Variants in OTOGL observed in about 807,000 individuals in gnomAD.
OTOGL encodes the protein otogelin like.
A neutral mutation model predicts 318.5 loss-of-function variants in OTOGL; 285 were observed. That is an observed-to-expected ratio of 0.89 (90% confidence interval 0.81 to 0.99). The LOEUF is 0.99. OTOGL is among the 50% of genes least tolerant of loss of function. The pLI is 0.00. For synonymous variants in OTOGL, 987 were observed against 936.5 expected (o/e 1.05, Z -0.99); for missense variants, 2,899 against 2,845.6 (o/e 1.02, Z -0.43).
chr12:80,274,962 C>A (rs1018287282), intron 24 of OTOGL, among the ~76,000 whole-genome samples: 6 of 151,964 alleles, frequency 3.9e-5, no homozygotes, highest in Admixed American at 3.3e-4. Context: ...AATATTACTA[C>A]CTATTGGCAG....
intron 24 of OTOGL, among the ~76,000 whole-genome samples, chr12:80,276,375 C>A (rs928241146): frequency 1.3e-5 from 2 of 151,644 alleles, no homozygotes; most frequent in Non-Finnish European, 2.9e-5. Context: ...TAGAATAGTG[C>A]CTTGCCATAG....
intron 11 of OTOGL, among the ~76,000 whole-genome samples, chr12:80,250,359 T>G (rs1881427307): frequency 6.6e-6 from 1 of 152,216 alleles, no homozygotes; most frequent in African/African-American, 2.4e-5. Flanking sequence ...TTAATGTGCC[T>G]GTCATGGTTC....
chr12:80,315,965 A>G (rs949817341), intron 32 of OTOGL, among the ~76,000 whole-genome samples: 2 of 152,158 alleles, frequency 1.3e-5, no homozygotes, highest in African/African-American at 2.4e-5. Flanking sequence ...TAATAACAAC[A>G]GTAGCTTTTG....
At position 80,251,172 on chromosome 12, in the gene OTOGL, G is replaced by A. The variant is rs188983031; in HGVS notation, c.1053-521G>A. Among the ~76,000 whole-genome samples, 417 of 152,306 alleles carry A rather than the reference G, an allele frequency of 2.7e-3. 5 individuals are homozygous for A. The highest frequency in any genetic ancestry group is 9.4e-3 in the African/African-American group (391 of 41,570). On this transcript the variant is annotated intron_variant, in intron 11 of 58. Coordinates refer to ENST00000547103, the MANE Select transcript of OTOGL (RefSeq NM_001378609.3). ...TTGGATTCTTATTGCAAGAACTGCT[G>A]AGGAACCATTAAAATACTTTTGATT...
intron 9 of OTOGL, among the ~76,000 whole-genome samples, chr12:80,237,697 GGT>G (rs1485381617): frequency 2.0e-5 from 3 of 152,156 alleles, no homozygotes; most frequent in Non-Finnish European, 4.4e-5. Context: ...GCTAGGCTAT[GGT>G]AAAGTTTAGG....
intron 1 of OTOGL, among the ~76,000 whole-genome samples, chr12:80,167,330 A>C (rs917985271): frequency 6.6e-6 from 1 of 152,154 alleles, no homozygotes; most frequent in Non-Finnish European, 1.5e-5. Context: ...ATAGGCTAAA[A>C]ATTTTGGTTT....
chr12:80,229,431 T>C, intron 8 of OTOGL, 53 bp downstream of exon 8: 1 of 1,537,666 alleles, frequency 6.5e-7, no homozygotes, highest in Non-Finnish European at 8.9e-7. Context: ...TAATAGAATT[T>C]CCAAACATCA....
At chr12:80,306,270 C>T (rs1337834774) in intron 29 of OTOGL, among the ~76,000 whole-genome samples, 1 of 152,124 alleles carries the variant, frequency 6.6e-6, no homozygotes, top group Non-Finnish European at 1.5e-5. Context: ...AGGGACATGT[C>T]TGAAGGATTT....
At chr12:80,193,795 G>A (rs1243331434) in intron 1 of OTOGL, among the ~76,000 whole-genome samples, 1 of 152,184 alleles carries the variant, frequency 6.6e-6, no homozygotes, top group Non-Finnish European at 1.5e-5. Flanking sequence ...GTTAAGGAAA[G>A]TCCTTTTGTT....
chr12:80,179,546 G>C (rs35536215), intron 1 of OTOGL, among the ~76,000 whole-genome samples: 12,679 of 152,232 alleles, frequency 0.083, 651 homozygotes, highest in East Asian at 0.19. Context: ...TTATGTCATG[G>C]CTTTAGTATG....
intron 46 of OTOGL, among the ~76,000 whole-genome samples, chr12:80,354,906 A>T (rs1592748205): frequency 6.6e-6 from 1 of 152,248 alleles, no homozygotes; most frequent in East Asian, 1.9e-4. Flanking sequence ...GTCACTACAT[A>T]ATATTTTGCC....
intron 57 of OTOGL, among the ~76,000 whole-genome samples, chr12:80,376,494 A>G (rs770867421): frequency 2.1e-4 from 32 of 152,166 alleles, no homozygotes; most frequent in Admixed American, 6.6e-4. Context: ...GTGATAATCC[A>G]TTACACACAC....
chr12:80,320,840 C>A, intron 34 of OTOGL, 140 bp downstream of exon 34: 1 of 745,650 alleles, frequency 1.3e-6, no homozygotes. Context: ...GTCTTAACCT[C>A]TATACCCCTC....
chr12:80,305,003 A>G (rs897678777), intron 28 of OTOGL, among the ~76,000 whole-genome samples: 4 of 152,218 alleles, frequency 2.6e-5, no homozygotes, highest in African/African-American at 9.6e-5. Context: ...CTGTTCAGAC[A>G]GAGGCCACTA....
At chr12:80,292,020 C>T (rs1368413257) in intron 26 of OTOGL, among the ~76,000 whole-genome samples, 1 of 151,230 alleles carries the variant, frequency 6.6e-6, no homozygotes, top group East Asian at 2.0e-4. Context: ...TGGAGTTTCA[C>T]TCTTATTGCC....
chr12:80,288,080 T>C (rs773684167), intron 26 of OTOGL, among the ~76,000 whole-genome samples: 3 of 152,200 alleles, frequency 2.0e-5, no homozygotes, highest in Non-Finnish European at 4.4e-5. Context: ...GGAGCTCATG[T>C]ATGACAGGCC....
intron 1 of OTOGL, among the ~76,000 whole-genome samples, chr12:80,190,857 G>T (rs930526602): frequency 6.7e-6 from 1 of 149,860 alleles, no homozygotes; most frequent in Non-Finnish European, 1.5e-5. Flanking sequence ...ATCCTTAGTG[G>T]TTTCTTTTTA....
intron 1 of OTOGL, chr12:80,103,290 C>T (rs948499535): frequency 1.1e-5 from 17 of 1,592,782 alleles, no homozygotes; most frequent in South Asian, 4.4e-5. Flanking sequence ...ATGCCTTTTG[C>T]GATTCTTGCT....
chr12:80,241,013 G>A (rs979818192), intron 11 of OTOGL, among the ~76,000 whole-genome samples: 1 of 152,020 alleles, frequency 6.6e-6, no homozygotes, highest in African/African-American at 2.4e-5. Context: ...AGAAGTATAA[G>A]TGATACATAG....
Sources: gnomAD v4.1 joint callset for allele counts (sites outside exome capture counted in the v4.1 genomes callset) on GRCh38, gnomAD v4.1.1 for gene constraint, MANE v1.5 for transcripts, NCBI Gene and HGNC (gene_info 2026-07-23, HGNC 2026-07-21) for gene names.